The following PTPRD variants were observed in gnomAD, a reference collection of about 807,000 sequenced individuals.
The protein encoded by PTPRD is protein tyrosine phosphatase receptor type D.
PTPRD carries 34 observed loss-of-function variants against 214.5 expected under a neutral mutation model. The observed-to-expected ratio is 0.16, with a 90% CI of 0.12 to 0.21. PTPRD has a LOEUF of 0.21. PTPRD is among the 10% of genes least tolerant of loss of function. The pLI, the probability that PTPRD is intolerant of heterozygous loss-of-function variation, is 1.00. For synonymous variants in PTPRD, 1,128 were observed against 845.7 expected, an observed-to-expected ratio of 1.33 and a Z score of -5.79; for missense variants, 2,545 against 2,398.7, an observed-to-expected ratio of 1.06 and a Z score of -1.27.
chr9:9,579,383 C>A (rs2090043631), intron 7 of PTPRD, among the ~76,000 whole-genome samples: 1 of 152,020 alleles, frequency 6.6e-6, no homozygotes, highest in African/African-American at 2.4e-5. Context: ...ACAAATATAT[C>A]CAAGGACAGA....
chr9:10,004,504 C>T (rs1344956233), intron 4 of PTPRD, among the ~76,000 whole-genome samples: 3 of 151,782 alleles, frequency 2.0e-5, no homozygotes, highest in Non-Finnish European at 4.4e-5. Flanking sequence ...ATTCATTACC[C>T]ACCGGTCAAG....
chr9:8,848,213 G>GT lies in PTPRD; in HGVS notation c.-103-114268dup, dbSNP rs570588515. 1.8e-3 allele frequency among the ~76,000 whole-genome samples: 270 copies of GT among 149,428 alleles called. 2 individuals carry two copies. Among genetic ancestry groups the GT allele is most frequent in the Middle Eastern group, 0.014 (4 of 294 alleles). Reference sequence around the variant, plus strand: ...ATCAAAACCCCTTTGGTAAAAAAATGTTTTTTTCAATGCCTCCAGTCCCAA... The same window carrying GT: ...ATCAAAACCCCTTTGGTAAAAAAATGTTTTTTTTCAATGCCTCCAGTCCCAA... On this transcript the variant is annotated intron_variant, in intron 11 of 45. Transcript: ENST00000381196.
chr9:9,508,100 G>A (rs931023410), intron 8 of PTPRD, among the ~76,000 whole-genome samples: 1 of 151,562 alleles, frequency 6.6e-6, no homozygotes, highest in Non-Finnish European at 1.5e-5. Context: ...TCATACTTCA[G>A]TATTTTACTG....
intron 2 of PTPRD, among the ~76,000 whole-genome samples, chr9:10,420,939 T>G (rs994176682): frequency 2.0e-5 from 3 of 151,944 alleles, no homozygotes; most frequent in Admixed American, 1.3e-4. Flanking sequence ...CTTTCTTCAC[T>G]GAGGAGGCCA....
At chr9:8,999,123 C>G (rs946926050) in intron 11 of PTPRD, among the ~76,000 whole-genome samples, 3 of 152,008 alleles carry the variant, frequency 2.0e-5, no homozygotes, top group Admixed American at 6.6e-5. Flanking sequence ...TAATATTACA[C>G]AAGTTAGTTG....
chr9:8,892,543 G>C (rs568094353), intron 11 of PTPRD, among the ~76,000 whole-genome samples: 2 of 149,496 alleles, frequency 1.3e-5, no homozygotes, highest in African/African-American at 4.9e-5. Context: ...ATATATATGT[G>C]TGTATATATG....
intron 9 of PTPRD, among the ~76,000 whole-genome samples, chr9:9,303,952 C>A (rs543604222): frequency 6.6e-6 from 1 of 152,064 alleles, no homozygotes; most frequent in Non-Finnish European, 1.5e-5. Flanking sequence ...GATTGCATTA[C>A]GGGGCTTCTA....
In PTPRD at chr9:10,495,617, G is replaced by A. The variant is rs1229916611; in HGVS notation, c.-600+116781C>T. ...TGTAAGTTTTGGCAGTTATATAATT[G>A]AGCTAAAAATTTCAGTAAGGATAAA... On this transcript the variant is annotated intron_variant, in intron 2 of 45. Coordinates refer to ENST00000381196, the MANE Select transcript of PTPRD (RefSeq NM_002839.4). 2.0e-5 allele frequency among the ~76,000 whole-genome samples: 3 copies of A among 151,600 alleles called. No individual in the cohort carries two copies. The East Asian group carries it at 5.8e-4, about 29-fold the overall frequency.
At chr9:10,482,204 T>C (rs1407475969) in intron 2 of PTPRD, among the ~76,000 whole-genome samples, 4 of 151,702 alleles carry the variant, frequency 2.6e-5, no homozygotes, top group African/African-American at 9.7e-5. Context: ...ACCCCATCTC[T>C]ACTAAAAATA....
intron 7 of PTPRD, among the ~76,000 whole-genome samples, chr9:9,630,383 G>C (rs1219478171): frequency 1.3e-5 from 2 of 152,138 alleles, no homozygotes; most frequent in East Asian, 1.9e-4. Context: ...AGAAGGCAGG[G>C]AGAGGATGGT....
intron 11 of PTPRD, among the ~76,000 whole-genome samples, chr9:8,927,825 C>G (rs578025990): frequency 6.6e-6 from 1 of 152,184 alleles, no homozygotes; most frequent in Non-Finnish European, 1.5e-5. Flanking sequence ...CTTCTACCAA[C>G]AGTGTAAAAG....
At chr9:8,966,669 G>A (rs1394422060) in intron 11 of PTPRD, among the ~76,000 whole-genome samples, 2 of 151,808 alleles carry the variant, frequency 1.3e-5, no homozygotes, top group African/African-American at 2.4e-5. Context: ...AAAAAACCTA[G>A]GAAATACCCT....
intron 6 of PTPRD, among the ~76,000 whole-genome samples, chr9:9,740,532 T>G (rs918223500): frequency 6.7e-6 from 1 of 148,776 alleles, no homozygotes; most frequent in Non-Finnish European, 1.5e-5. Flanking sequence ...TAATTTTTTT[T>G]GTGTATTTTT....
intron 3 of PTPRD, among the ~76,000 whole-genome samples, chr9:10,050,662 T>G (rs1399543358): frequency 6.7e-6 from 1 of 150,126 alleles, no homozygotes; most frequent in East Asian, 2.0e-4. Context: ...AAGGAAATGT[T>G]CAAAATATGT....
chr9:9,743,274 T>G (rs568144941), intron 6 of PTPRD, among the ~76,000 whole-genome samples: 6 of 152,300 alleles, frequency 3.9e-5, no homozygotes, highest in African/African-American at 1.4e-4. Context: ...AGCCATGTTA[T>G]GAGTCCAAGA....
intron 11 of PTPRD, among the ~76,000 whole-genome samples, chr9:8,977,492 G>A (rs1202716663): frequency 6.6e-6 from 1 of 151,924 alleles, no homozygotes; most frequent in Non-Finnish European, 1.5e-5. Context: ...AGGGCTCTAT[G>A]TGCTGTTATT....
intron 2 of PTPRD, among the ~76,000 whole-genome samples, chr9:10,357,144 A>G (rs1290198576): frequency 6.6e-6 from 1 of 152,202 alleles, no homozygotes; most frequent in East Asian, 1.9e-4. Flanking sequence ...ACTAGCAAAT[A>G]TAACAGAAAC....
intron 11 of PTPRD, among the ~76,000 whole-genome samples, chr9:8,927,491 G>C (rs929100461): frequency 6.6e-6 from 1 of 152,096 alleles, no homozygotes; most frequent in Non-Finnish European, 1.5e-5. Context: ...AGTTTGCTGA[G>C]AATGATGGTT....
At chr9:10,133,787 C>G (rs751553054) in intron 3 of PTPRD, among the ~76,000 whole-genome samples, 33 of 151,284 alleles carry the variant, frequency 2.2e-4, no homozygotes, top group Non-Finnish European at 2.4e-4. Flanking sequence ...TAATGCTATA[C>G]TAACATTTAT....
Sources: allele counts gnomAD v4.1 joint callset (sites outside exome capture counted in the v4.1 genomes callset), GRCh38; gene constraint gnomAD v4.1.1; transcripts MANE v1.5; gene names NCBI Gene and HGNC (gene_info 2026-07-23, HGNC 2026-07-21).